Variants in ULK4 observed in about 807,000 individuals in gnomAD.
ULK4 encodes unc-51 like kinase 4.
In ULK4, 133 loss-of-function variants were observed where a neutral mutation model predicts 160.6. That is an observed-to-expected ratio of 0.83 (90% confidence interval 0.72 to 0.96). The LOEUF is 0.96. ULK4 is among the 40% of genes least tolerant of loss of function. The pLI is 0.00. For missense variants in ULK4, 1,580 were observed against 1,499.5 expected (o/e 1.05, Z -0.89); for synonymous variants, 534 against 539.8 (o/e 0.99, Z 0.15).
chr3:41,314,977 C>G lies in ULK4; in HGVS notation c.3679-65403G>C, dbSNP rs139660608. Among the ~76,000 whole-genome samples, 491 of 152,154 alleles carry G rather than the reference C, an allele frequency of 3.2e-3. 3 individuals carry two copies. Among genetic ancestry groups the G allele is most frequent in the African/African-American group, 0.011 (460 of 41,524 alleles). ...TGCAGGGTGTATTTATCAGTATTTA[C>G]TATATTGAAAATTAAAACCAAGACA... On this transcript the variant is annotated intron_variant, in intron 35 of 36. Transcript: ENST00000301831.
intron 35 of ULK4, among the ~76,000 whole-genome samples, chr3:41,285,405 C>T (rs1308004109): frequency 1.3e-5 from 2 of 152,174 alleles, no homozygotes; most frequent in Non-Finnish European, 2.9e-5. Flanking sequence ...GAATACTACT[C>T]AGCCATAAAA....
chr3:41,515,736 C>A (rs565226665), intron 32 of ULK4, among the ~76,000 whole-genome samples: 201 of 152,302 alleles, frequency 1.3e-3, no homozygotes, highest in African/African-American at 4.4e-3. Context: ...AAAGTGCCCC[C>A]ATGATCCAGT....
chr3:41,421,054 C>A (rs2082653746), intron 34 of ULK4, among the ~76,000 whole-genome samples: 1 of 151,312 alleles, frequency 6.6e-6, no homozygotes, highest in Non-Finnish European at 1.5e-5. Flanking sequence ...GCGGAGGTTG[C>A]AATGAGCTGA....
At chr3:41,709,928 A>G (rs1012274409) in intron 25 of ULK4, among the ~76,000 whole-genome samples, 2 of 152,196 alleles carry the variant, frequency 1.3e-5, no homozygotes, top group Non-Finnish European at 2.9e-5. Context: ...ATTCTCTTAA[A>G]AATATACACA....
At chr3:41,693,960 G>A (rs886824442) in intron 27 of ULK4, among the ~76,000 whole-genome samples, 9 of 152,216 alleles carry the variant, frequency 5.9e-5, no homozygotes, top group South Asian at 2.1e-4. Flanking sequence ...ACACAGTATT[G>A]ACTATATACT....
At chr3:41,733,217 C>T (rs1022966848) in intron 22 of ULK4, among the ~76,000 whole-genome samples, 3 of 152,022 alleles carry the variant, frequency 2.0e-5, no homozygotes, top group African/African-American at 2.4e-5. Context: ...CAGTGTACCC[C>T]ATAAATATGT....
intron 34 of ULK4, among the ~76,000 whole-genome samples, chr3:41,437,545 GCAAGAGGA>G (rs916766085): frequency 2.0e-5 from 3 of 152,186 alleles, no homozygotes; most frequent in African/African-American, 7.2e-5. Context: ...TCTGGGCAGA[GCAAGAGGA>G]TATCTTGGTC....
chr3:41,875,679 G>A (rs1449088678), intron 17 of ULK4, among the ~76,000 whole-genome samples: 5 of 151,426 alleles, frequency 3.3e-5, no homozygotes, highest in Admixed American at 6.6e-5. Flanking sequence ...GGCAATTAAT[G>A]ACAATTAATA....
At chr3:41,368,762 C>T (rs1389194753) in intron 35 of ULK4, among the ~76,000 whole-genome samples, 1 of 152,126 alleles carries the variant, frequency 6.6e-6, no homozygotes, top group Non-Finnish European at 1.5e-5. Context: ...TTATGGTATA[C>T]CACATTTTAT....
chr3:41,758,677 A>G (rs2038884897), intron 21 of ULK4, among the ~76,000 whole-genome samples: 1 of 152,080 alleles, frequency 6.6e-6, no homozygotes, highest in South Asian at 2.1e-4. Flanking sequence ...CGAGGTCAGG[A>G]GATCAAGATC....
At chr3:41,301,260 G>GT (rs982516134) in intron 35 of ULK4, among the ~76,000 whole-genome samples, 6 of 150,072 alleles carry the variant, frequency 4.0e-5, no homozygotes, top group African/African-American at 1.3e-4. Flanking sequence ...TACTAACTAG[G>GT]TTTTTTCCTC....
intron 17 of ULK4, among the ~76,000 whole-genome samples, chr3:41,866,731 A>G (rs1696900573): frequency 6.6e-6 from 1 of 151,792 alleles, no homozygotes; most frequent in South Asian, 2.1e-4. Context: ...TGTGTGTTGA[A>G]TTCATCAGGG....
At chr3:41,309,490 A>G (rs143437784) in intron 35 of ULK4, among the ~76,000 whole-genome samples, 36 of 152,244 alleles carry the variant, frequency 2.4e-4, no homozygotes, top group Admixed American at 1.3e-3. Flanking sequence ...GGCTCATGAC[A>G]TTGTGCCCAG....
intron 22 of ULK4, among the ~76,000 whole-genome samples, chr3:41,747,577 C>T (rs757397174): frequency 6.6e-6 from 1 of 152,084 alleles, no homozygotes; most frequent in Admixed American, 6.6e-5. Context: ...TATGTTGAAG[C>T]CCTAACCCTC....
chr3:41,554,969 A>C (rs998285718), intron 32 of ULK4, among the ~76,000 whole-genome samples: 1 of 152,170 alleles, frequency 6.6e-6, no homozygotes, highest in African/African-American at 2.4e-5. Context: ...GGAAAAGAAA[A>C]ATGATCAAAG....
chr3:41,938,339 T>A (rs1240309555), intron 2 of ULK4, 142 bp from the exon 3 acceptor site: 8 of 635,076 alleles, frequency 1.3e-5, no homozygotes, highest in Non-Finnish European at 1.8e-5. Flanking sequence ...ACATTAGAAA[T>A]CATGGTTATG....
chr3:41,855,872 A>G (rs1326196209), intron 17 of ULK4, among the ~76,000 whole-genome samples: 1 of 152,194 alleles, frequency 6.6e-6, no homozygotes, highest in Non-Finnish European at 1.5e-5. Flanking sequence ...CAAATATGTT[A>G]GTCTCATACC....
intron 32 of ULK4, among the ~76,000 whole-genome samples, chr3:41,539,247 C>T (rs993538037): frequency 1.4e-4 from 22 of 151,966 alleles, no homozygotes; most frequent in Non-Finnish European, 8.8e-5. Context: ...TTAATATTGC[C>T]ATTATAGCAT....
At chr3:41,750,295 G>A (rs1191454503) in intron 22 of ULK4, among the ~76,000 whole-genome samples, 1 of 152,162 alleles carries the variant, frequency 6.6e-6, no homozygotes, top group South Asian at 2.1e-4. Context: ...TTCTGCCCTT[G>A]TGGTTTTGTG....
Sources: allele counts gnomAD v4.1 joint callset (sites outside exome capture counted in the v4.1 genomes callset), GRCh38; gene constraint gnomAD v4.1.1; transcripts MANE v1.5; gene names NCBI Gene and HGNC (gene_info 2026-07-23, HGNC 2026-07-21).